The following ENTREP2 variants were observed in gnomAD, a reference collection of about 807,000 sequenced individuals.
ENTREP2 encodes protein ENTREP2.
At chr15:29,187,268 T>C in the ENTREP2 span, among the ~76,000 whole-genome samples, 1 of 152,050 alleles carries the variant, frequency 6.6e-6, no homozygotes, top group Non-Finnish European at 1.5e-5. Flanking sequence ...TTTTCTTTCT[T>C]TCTTTTCTTC....
the ENTREP2 span, among the ~76,000 whole-genome samples, chr15:29,405,279 C>G: frequency 6.6e-6 from 1 of 151,914 alleles, no homozygotes; most frequent in Non-Finnish European, 1.5e-5. Flanking sequence ...ATCCCAGCTA[C>G]TCAGGAGGCT....
At chr15:29,320,911 G>A in the ENTREP2 span, among the ~76,000 whole-genome samples, 64 of 152,196 alleles carry the variant, frequency 4.2e-4, no homozygotes, top group African/African-American at 1.5e-3. Context: ...TTCAGAAAGT[G>A]TAATATATGT....
chr15:29,403,873 C>T, the ENTREP2 span, among the ~76,000 whole-genome samples: 2 of 152,200 alleles, frequency 1.3e-5, no homozygotes, highest in South Asian at 4.1e-4. Context: ...TTGCCTGAAT[C>T]CGCACACTCT....
At chr15:29,640,678 A>AAAACAAAACAAAACAAAACAAAACAAAAC in the ENTREP2 span, among the ~76,000 whole-genome samples, 15 of 122,930 alleles carry the variant, frequency 1.2e-4, no homozygotes, top group African/African-American at 6.4e-4. Flanking sequence ...CAAAACAAAA[A>AAAACAAAACAAAACAAAACAAAACAAAAC]AACCAAAAAG....
the ENTREP2 span, chr15:29,611,077 T>C: frequency 6.6e-6 from 1 of 152,272 alleles, no homozygotes; most frequent in Non-Finnish European, 1.5e-5. Flanking sequence ...TATGTCTCTT[T>C]AGTCCCATGC....
chr15:29,629,637 C>G, the ENTREP2 span, among the ~76,000 whole-genome samples: 1 of 152,108 alleles, frequency 6.6e-6, no homozygotes. Flanking sequence ...ACACTGAGTA[C>G]CATACCAGAT....
At chr15:29,581,157 G>A in the ENTREP2 span, among the ~76,000 whole-genome samples, 1 of 152,206 alleles carries the variant, frequency 6.6e-6, no homozygotes, top group Non-Finnish European at 1.5e-5. Flanking sequence ...ATGATTTAGT[G>A]ATGTAAGTGT....
At chr15:29,556,769 C>CA in the ENTREP2 span, among the ~76,000 whole-genome samples, 12 of 103,986 alleles carry the variant, frequency 1.2e-4, no homozygotes, top group East Asian at 8.5e-4. Flanking sequence ...GGTGCCCCCC[C>CA]CCCGCCCCAC....
the ENTREP2 span, among the ~76,000 whole-genome samples, chr15:29,443,586 G>A: frequency 2.6e-5 from 4 of 152,092 alleles, no homozygotes; most frequent in South Asian, 8.3e-4. Context: ...CCCAAGAAGT[G>A]TCCGAGGCAG....
chr15:29,331,951 C>A, the ENTREP2 span, among the ~76,000 whole-genome samples: 1 of 152,186 alleles, frequency 6.6e-6, no homozygotes, highest in Non-Finnish European at 1.5e-5. Flanking sequence ...ATCCCCAAAA[C>A]CACAACAGAA....
the ENTREP2 span, among the ~76,000 whole-genome samples, chr15:29,413,224 T>C: frequency 6.6e-6 from 1 of 152,152 alleles, no homozygotes; most frequent in African/African-American, 2.4e-5. Context: ...CCTGTTTACA[T>C]GAGAACATCT....
the ENTREP2 span, among the ~76,000 whole-genome samples, chr15:29,226,687 A>G: frequency 1.4e-4 from 22 of 152,332 alleles, no homozygotes; most frequent in African/African-American, 5.1e-4. Flanking sequence ...GACCCTGGCG[A>G]CATAATTGGT....
chr15:29,314,745 TAAAC>T, the ENTREP2 span, among the ~76,000 whole-genome samples: 2 of 152,170 alleles, frequency 1.3e-5, no homozygotes, highest in African/African-American at 4.8e-5. Context: ...ATAACATAGA[TAAAC>T]AGTTAGAAAA....
the ENTREP2 span, among the ~76,000 whole-genome samples, chr15:29,508,655 G>T: frequency 3.9e-4 from 60 of 152,270 alleles, no homozygotes; most frequent in Non-Finnish European, 7.6e-4. Context: ...AAAACGACAT[G>T]ATTATCTCAA....
At chr15:29,182,686 G>T in the ENTREP2 span, among the ~76,000 whole-genome samples, 1 of 152,160 alleles carries the variant, frequency 6.6e-6, no homozygotes. Context: ...GGAGAGAGAA[G>T]AGAGCTCTCT....
the ENTREP2 span, among the ~76,000 whole-genome samples, chr15:29,198,580 C>T: frequency 2.0e-5 from 3 of 152,096 alleles, no homozygotes; most frequent in South Asian, 2.1e-4. Context: ...TTTTCTTAAC[C>T]GTTCATATTG....
the ENTREP2 span, among the ~76,000 whole-genome samples, chr15:29,448,306 T>C: frequency 6.6e-6 from 1 of 152,126 alleles, no homozygotes; most frequent in Non-Finnish European, 1.5e-5. Context: ...TCTGTGGATT[T>C]AAAACGAAGA....
At chr15:29,605,932 GA>G in the ENTREP2 span, among the ~76,000 whole-genome samples, 1 of 152,044 alleles carries the variant, frequency 6.6e-6, no homozygotes, top group African/African-American at 2.4e-5. Context: ...ATAAGAAATA[GA>G]ACTTTGCCAG....
the ENTREP2 span, among the ~76,000 whole-genome samples, chr15:29,325,247 A>T: frequency 6.6e-6 from 1 of 152,142 alleles, no homozygotes; most frequent in Non-Finnish European, 1.5e-5. Flanking sequence ...TTTATAACCA[A>T]TAATATAAGC....
Sources: gnomAD v4.1 joint callset for allele counts (sites outside exome capture counted in the v4.1 genomes callset) on GRCh38, gnomAD v4.1.1 for gene constraint, MANE v1.5 for transcripts, NCBI Gene and HGNC (gene_info 2026-07-23, HGNC 2026-07-21) for gene names.